Variants in NT5DC1 observed in about 807,000 individuals in gnomAD.
NT5DC1 encodes 5'-nucleotidase domain containing 1.
In NT5DC1, 42 loss-of-function variants were observed where a neutral mutation model predicts 59.4. The observed-to-expected ratio is 0.71, with a 90% CI of 0.55 to 0.92. NT5DC1 has a LOEUF of 0.92. Among genes scored for constraint, NT5DC1 ranks in the 40% least tolerant of loss-of-function variants. The pLI is 0.00. For missense variants in NT5DC1, 501 were observed against 537.1 expected (o/e 0.93, Z 0.66); for synonymous variants, 172 against 188.1 (o/e 0.91, Z 0.70).
intron 6 of NT5DC1, among the ~76,000 whole-genome samples, chr6:116,135,863 A>ATATGTGTATATATATATATATATGTATG (rs1779584183): frequency 8.0e-6 from 1 of 124,918 alleles, no homozygotes; most frequent in African/African-American, 3.2e-5. Flanking sequence ...ATATATATAT[A>ATATGTGTATATATATATATATATGTATG]TATATATATA....
At chr6:116,160,687 C>A (rs1780305694) in intron 6 of NT5DC1, among the ~76,000 whole-genome samples, 1 of 152,120 alleles carries the variant, frequency 6.6e-6, no homozygotes, top group African/African-American at 2.4e-5. Flanking sequence ...GTCATAAATT[C>A]TTTGCCTAGG....
chr6:116,129,716 A>C (rs1200950061), intron 6 of NT5DC1, among the ~76,000 whole-genome samples: 1 of 152,208 alleles, frequency 6.6e-6, no homozygotes, highest in African/African-American at 2.4e-5. Flanking sequence ...ATTCTGTTAT[A>C]GTAGTGTAAA....
intron 6 of NT5DC1, among the ~76,000 whole-genome samples, chr6:116,190,483 G>A (rs557708026): frequency 3.3e-5 from 5 of 152,030 alleles, no homozygotes; most frequent in East Asian, 1.9e-4. Flanking sequence ...AGAAGTTAGC[G>A]GCAGTGGTAT....
At chr6:116,196,444 C>A (rs528416272) in intron 6 of NT5DC1, among the ~76,000 whole-genome samples, 1 of 152,036 alleles carries the variant, frequency 6.6e-6, no homozygotes, top group East Asian at 1.9e-4. Flanking sequence ...TTTCCCCAAA[C>A]TATAAATCAA....
chr6:116,200,265 T>C (rs1001849926), intron 6 of NT5DC1, among the ~76,000 whole-genome samples: 5 of 152,006 alleles, frequency 3.3e-5, no homozygotes, highest in African/African-American at 9.7e-5. Flanking sequence ...AGGGGAGGTC[T>C]GAAACTATGT....
chr6:116,243,299 T>C (rs968148003), intron 11 of NT5DC1, among the ~76,000 whole-genome samples: 1 of 151,840 alleles, frequency 6.6e-6, no homozygotes, highest in Admixed American at 6.6e-5. Context: ...GGCCTGGGAG[T>C]TTTTTTTAAA....
At position 116,120,686 on chromosome 6, in the gene NT5DC1, G is replaced by C. The variant is rs751106978; in HGVS notation, c.529+2741G>C. The C allele has an allele frequency of 3.2e-6, 5 of 1,547,934 alleles. No individual in the cohort carries two copies. Among genetic ancestry groups the C allele is most frequent in the Non-Finnish European group, 4.3e-6 (5 of 1,154,438 alleles). On this transcript the variant is annotated intron_variant, in intron 6 of 11. Transcript: ENST00000319550. ...GAGGCCCTTAGTTGCTATGCCAGCT[G>C]GGCCAGGAGGACCGGGACTTCCTGG...
intron 6 of NT5DC1, among the ~76,000 whole-genome samples, chr6:116,188,431 G>A (rs1320583427): frequency 6.6e-6 from 1 of 152,034 alleles, no homozygotes; most frequent in African/African-American, 2.4e-5. Flanking sequence ...TTGCTATGCA[G>A]TGTGTCATAC....
At chr6:116,181,797 G>C (rs2114475162) in intron 6 of NT5DC1, among the ~76,000 whole-genome samples, 1 of 152,204 alleles carries the variant, frequency 6.6e-6, no homozygotes, top group Admixed American at 6.6e-5. Flanking sequence ...CCTGGTGGAA[G>C]ACAGTATTTT....
At chr6:116,235,035 GTTTTTT>G (rs60150533) in intron 8 of NT5DC1, among the ~76,000 whole-genome samples, 3 of 131,830 alleles carry the variant, frequency 2.3e-5, no homozygotes, top group African/African-American at 2.8e-5. Context: ...CTTGATTTGG[GTTTTTT>G]TTTTTTTTTT....
In NT5DC1 at chr6:116,103,108, C is replaced by A. The variant is rs181572400; in HGVS notation, c.93+2085C>A. On this transcript the variant is annotated intron_variant, in intron 1 of 11. Transcript: ENST00000319550. ...TTTACTTGTTGGACTTCCCCTAGAG[C>A]CCAGCGTGATGACTCCATCAGTATC... 1.3e-3 allele frequency among the ~76,000 whole-genome samples: 191 copies of A among 152,310 alleles called. 1 individual carries two copies. Among genetic ancestry groups the A allele is most frequent in the Non-Finnish European group, 3.8e-4 (26 of 68,032 alleles).
intron 6 of NT5DC1, chr6:116,145,415 T>C (rs1325930709): frequency 1.1e-5 from 4 of 348,938 alleles, no homozygotes; most frequent in Admixed American, 8.7e-5. Flanking sequence ...GCAAAACTTT[T>C]TCTGTTCTTT....
At chr6:116,234,265 A>T (rs554044448) in intron 8 of NT5DC1, among the ~76,000 whole-genome samples, 1 of 151,120 alleles carries the variant, frequency 6.6e-6, no homozygotes, top group Non-Finnish European at 1.5e-5. Context: ...TGGCCCTTCT[A>T]ACATATTTTT....
chr6:116,171,269 C>T (rs73774209), intron 6 of NT5DC1, among the ~76,000 whole-genome samples: 6,161 of 151,986 alleles, frequency 0.041, 191 homozygotes, highest in African/African-American at 0.083. Flanking sequence ...TATTATTTTA[C>T]GAAGAATACA....
chr6:116,155,575 CAT>C (rs1780168874), intron 6 of NT5DC1, among the ~76,000 whole-genome samples: 2 of 152,022 alleles, frequency 1.3e-5, no homozygotes, highest in Non-Finnish European at 1.5e-5. Context: ...TCCAAAATCA[CAT>C]GTGTATTTAC....
At chr6:116,197,594 G>C (rs1308993931) in intron 6 of NT5DC1, among the ~76,000 whole-genome samples, 1 of 151,960 alleles carries the variant, frequency 6.6e-6, no homozygotes, top group African/African-American at 2.4e-5. Flanking sequence ...AGTAATGAAG[G>C]CACCCAAATG....
chr6:116,234,835 C>T (rs1251260285), intron 8 of NT5DC1, among the ~76,000 whole-genome samples: 5 of 152,154 alleles, frequency 3.3e-5, no homozygotes, highest in African/African-American at 7.2e-5. Flanking sequence ...TTTCACAGTC[C>T]GAACAGGCTC....
chr6:116,232,211 A>G (rs1249073820), intron 8 of NT5DC1, among the ~76,000 whole-genome samples: 8 of 152,118 alleles, frequency 5.3e-5, no homozygotes, highest in Non-Finnish European at 1.2e-4. Context: ...TCCAGCCTTT[A>G]AAGGCTCCAT....
intron 8 of NT5DC1, among the ~76,000 whole-genome samples, chr6:116,226,517 G>C (rs940049062): frequency 1.3e-5 from 2 of 151,830 alleles, no homozygotes; most frequent in Admixed American, 6.6e-5. Context: ...TGAGAAAAAG[G>C]GTGGAGTTTT....
Sources: allele counts gnomAD v4.1 joint callset (sites outside exome capture counted in the v4.1 genomes callset), GRCh38; gene constraint gnomAD v4.1.1; transcripts MANE v1.5; gene names NCBI Gene and HGNC (gene_info 2026-07-23, HGNC 2026-07-21).